Variants in CNTN2 observed in about 807,000 individuals in gnomAD.
CNTN2 encodes the protein contactin 2, also known as contactin-2.
Under a neutral mutation model 117.5 loss-of-function variants are expected in CNTN2, and 53 were observed. That is an observed-to-expected ratio of 0.45 (90% CI 0.36 to 0.57). The LOEUF (loss-of-function observed/expected upper bound fraction) is 0.57, where lower values mean the gene tolerates loss of function less well. CNTN2 is among the 20% of genes least tolerant of loss of function. The pLI is 0.00. For synonymous variants in CNTN2, 530 were observed against 561.7 expected (o/e 0.94, Z 0.80); for missense variants, 1,106 against 1,404.3 (o/e 0.79, Z 3.39).
intron 1 of CNTN2, among the ~76,000 whole-genome samples, chr1:205,045,512 G>A (rs2096440085): frequency 6.6e-6 from 1 of 152,208 alleles, no homozygotes; most frequent in African/African-American, 2.4e-5. Context: ...TGCCTCTAAA[G>A]TCACCAGGGA....
At chr1:205,047,077 G>A (rs1373855397) in intron 1 of CNTN2, among the ~76,000 whole-genome samples, 1 of 152,196 alleles carries the variant, frequency 6.6e-6, no homozygotes, top group Non-Finnish European at 1.5e-5. Context: ...TCAGCACCAG[G>A]GCTGGGCCTC....
chr1:205,069,856 C>T lies in CNTN2; in HGVS notation c.2226C>T (p.Asp742=). Residue 742 remains aspartate, a synonymous_variant, in exon 18 of 23, where the codon GAC becomes GAT. Coordinates refer to ENST00000331830, the MANE Select transcript of CNTN2 (RefSeq NM_005076.5). ...TGTCACGGGAGTACCAGAACGGAGA[C>T]GGCTTCGGCTACCTGCTGTCCTTCC... The part of the protein sequence containing the change: ...TPMSREYQNG[D]GFGYLLSFRR... 1.9e-6 allele frequency: 3 copies of T among 1,613,830 alleles called. No homozygotes were observed. Among genetic ancestry groups the T allele is most frequent in the Non-Finnish European group, 2.5e-6 (3 of 1,179,956 alleles).
chr1:205,069,466 A>AT, intron 16 of CNTN2, 25 bp from the exon 17 acceptor site: 1 of 1,612,552 alleles, frequency 6.2e-7, no homozygotes, highest in Non-Finnish European at 8.5e-7. Context: ...AACAAGCCAT[A>AT]TCGGTGTCCC....
rs749341276 is a variant in CNTN2 at position 205,062,555 on chromosome 1, A to T, written c.1226A>T (p.Glu409Val). The T allele has an allele frequency of 2.3e-5, 37 of 1,613,306 alleles. No homozygotes were observed. The highest frequency in any genetic ancestry group is 3.1e-5 in the Non-Finnish European group (36 of 1,179,620). Residue 409 changes from glutamate (E) to valine (V), a missense_variant, in exon 10 of 23, where the codon GAG becomes GTG. Glu to Val is a moderately radical substitution (Grantham distance 121, BLOSUM62 -2). Transcript: ENST00000331830. ...NKHGTIYASA[E>V]LAVQALAPDF... ...CACGGTACCATCTACGCCAGCGCCG[A>T]GCTAGCCGTGCAAGGTAAGGGGCCC... is the stretch of plus-strand genomic sequence containing the variant.
intron 20 of CNTN2, 144 bp from the exon 21 acceptor site, chr1:205,072,339 A>G: frequency 1.3e-6 from 1 of 798,904 alleles, no homozygotes; most frequent in Non-Finnish European, 1.9e-6. Flanking sequence ...TTGGATTTTC[A>G]TGGGCTTTGT....
intron 1 of CNTN2, 100 bp from the exon 2 acceptor site, chr1:205,053,000 G>A (rs928313758): frequency 2.0e-5 from 9 of 449,364 alleles, no homozygotes; most frequent in Middle Eastern, 5.8e-4. Context: ...AATTCCGGCA[G>A]CTCCCCAGGC....
intron 1 of CNTN2, among the ~76,000 whole-genome samples, chr1:205,052,690 C>G (rs2096454916): frequency 6.6e-6 from 1 of 152,202 alleles, no homozygotes; most frequent in East Asian, 1.9e-4. Context: ...GGAAAGTCAG[C>G]CCTGAGCCCA....
chr1:205,054,048 G>A (rs953942996), intron 2 of CNTN2, among the ~76,000 whole-genome samples: 1 of 152,220 alleles, frequency 6.6e-6, no homozygotes, highest in Non-Finnish European at 1.5e-5. Flanking sequence ...CCGCTGGCCT[G>A]TCCTAGGGCA....
intron 12 of CNTN2, 115 bp from the exon 13 acceptor site, chr1:205,064,972 A>C (rs1654199887): frequency 3.9e-6 from 5 of 1,297,596 alleles, no homozygotes; most frequent in Non-Finnish European, 5.4e-6. Context: ...CCTGTGGGTC[A>C]CACCACCTCT....
intron 11 of CNTN2, 30 bp from the exon 12 acceptor site, chr1:205,064,593 T>C (rs759334929): frequency 6.2e-7 from 1 of 1,610,282 alleles, no homozygotes; most frequent in Non-Finnish European, 8.5e-7. Flanking sequence ...CATGCCTGAG[T>C]TGGCCACATC....
chr1:205,044,719 G>A (rs1427601445), intron 1 of CNTN2, among the ~76,000 whole-genome samples: 1 of 152,196 alleles, frequency 6.6e-6, no homozygotes, highest in East Asian at 1.9e-4. Flanking sequence ...CCACTCAGAG[G>A]GGCCGGATGA....
chr1:205,057,742 G>T, intron 2 of CNTN2, 179 bp from the exon 3 acceptor site: 1 of 559,072 alleles, frequency 1.8e-6, no homozygotes, highest in South Asian at 3.5e-5. Flanking sequence ...TTCTTCAGTC[G>T]CAATAGCCAC....
At chr1:205,047,271 A>ATC (rs1207230198) in intron 1 of CNTN2, among the ~76,000 whole-genome samples, 1 of 151,764 alleles carries the variant, frequency 6.6e-6, no homozygotes, top group Non-Finnish European at 1.5e-5. Flanking sequence ...CTCAGTCACA[A>ATC]TCCTTCACCC....
At chr1:205,047,339 C>G (rs3753852) in intron 1 of CNTN2, among the ~76,000 whole-genome samples, 3 of 152,090 alleles carry the variant, frequency 2.0e-5, no homozygotes, top group African/African-American at 7.2e-5. Context: ...CCCTCACCCA[C>G]GCCACCACAG....
intron 20 of CNTN2, 96 bp downstream of exon 20, chr1:205,072,229 GC>G (rs1654632178): frequency 7.9e-7 from 1 of 1,273,028 alleles, no homozygotes; most frequent in African/African-American, 1.5e-5. Context: ...AAATGCTCTA[GC>G]CCACCAGCTC....
chr1:205,070,573 G>C (rs1436522122), intron 19 of CNTN2, 35 bp downstream of exon 19: 1 of 1,502,422 alleles, frequency 6.7e-7, no homozygotes, highest in Non-Finnish European at 9.2e-7. Flanking sequence ...AGAGGAAGGG[G>C]TGCTGGGGCT....
At chr1:205,062,669 T>G (rs1654057388) in intron 10 of CNTN2, 100 bp downstream of exon 10, 49 of 1,352,184 alleles carry the variant, frequency 3.6e-5, no homozygotes, top group Non-Finnish European at 4.8e-5. Context: ...GCACATACCC[T>G]GTGGCCATTT....
At chr1:205,054,039 C>T (rs771676017) in intron 2 of CNTN2, among the ~76,000 whole-genome samples, 10 of 152,234 alleles carry the variant, frequency 6.6e-5, no homozygotes, top group African/African-American at 1.4e-4. Context: ...GGAGCCGGGC[C>T]GCTGGCCTGT....
rs1037100229 is a variant in CNTN2 at position 205,048,715 on chromosome 1, G to A, written c.-86-4385G>A. Among the ~76,000 whole-genome samples, 20 of 152,198 alleles carry A rather than the reference G, an allele frequency of 1.3e-4. No individual in the cohort carries two copies. Among genetic ancestry groups the A allele is most frequent in the South Asian group, 4.1e-4 (2 of 4,830 alleles). On this transcript the variant is annotated intron_variant, in intron 1 of 22. Coordinates refer to ENST00000331830, the MANE Select transcript of CNTN2 (RefSeq NM_005076.5). This position sits in a 1 kb window ranked among gnomAD's most constrained non-coding sequence, Gnocchi z 4.1. ...ATGACTGATCGGTGAACTCATGAGC[G>A]CATTCTAGGCTGCACTCGGGCGGTC...
Sources: gnomAD v4.1 joint callset for allele counts (sites outside exome capture counted in the v4.1 genomes callset) on GRCh38, gnomAD v4.1.1 for gene constraint, Gnocchi (gnomAD v3.1) non-coding constraint, MANE v1.5 for transcripts, NCBI Gene and HGNC (gene_info 2026-07-23, HGNC 2026-07-21) for gene names.